The following FAM53A variants were observed in gnomAD, a reference collection of about 807,000 sequenced individuals.
FAM53A encodes family with sequence similarity 53 member A, also known as protein FAM53A.
A neutral mutation model predicts 26.6 loss-of-function variants in FAM53A; 28 were observed. That is an observed-to-expected ratio of 1.05 (90% CI 0.78 to 1.45). FAM53A has a LOEUF of 1.45. FAM53A is among the 40% of genes most tolerant of loss of function. The probability of loss-of-function intolerance (pLI) is 0.00; values close to 1 mark genes in which losing one functional copy is unlikely to be tolerated. For missense variants in FAM53A, 650 were observed against 575.8 expected (o/e 1.13, Z -1.32); for synonymous variants, 290 against 253.1 (o/e 1.15, Z -1.38).
intron 1 of FAM53A, among the ~76,000 whole-genome samples, chr4:1,623,160 T>C (rs1715123993): frequency 6.6e-6 from 1 of 152,042 alleles, no homozygotes; most frequent in Non-Finnish European, 1.5e-5. Context: ...CCTCCAGCAG[T>C]CCACGGCCAG....
At chr4:1,629,608 G>A (rs1255975659) in intron 1 of FAM53A, among the ~76,000 whole-genome samples, 2 of 152,234 alleles carry the variant, frequency 1.3e-5, no homozygotes, top group Non-Finnish European at 2.9e-5. Flanking sequence ...CAGCAGACAG[G>A]AGCTGCCCAG....
Position 1,641,372 on chromosome 4 carries a change from T to C in FAM53A, c.1118A>G (p.Asp373Gly), listed in dbSNP as rs199799761. The C allele has an allele frequency of 5.0e-6, 8 of 1,610,952 alleles. No homozygotes were observed. The highest frequency in any genetic ancestry group is 2.2e-5 in the East Asian group (1 of 44,856). Residue 373 changes from aspartate to glycine, a missense_variant, in exon 5 of 5, where the codon GAT becomes GGT. Asp to Gly is a moderately conservative substitution (Grantham distance 94). Transcript: ENST00000308132. ...GSRRSSGDPRDGDSVGEEGVF... is the reference protein window; with the variant it reads ...GSRRSSGDPRGGDSVGEEGVF... The stretch of plus-strand genomic sequence containing the variant: ...GCCCTCCTCCCCGACACTGTCCCCA[T>C]CACGGGGGTCCCCGCTGCTCCTGCG...
the FAM53A span, among the ~76,000 whole-genome samples, chr4:1,593,728 G>A: frequency 9.2e-5 from 14 of 152,144 alleles, no homozygotes; most frequent in African/African-American, 3.4e-4. Flanking sequence ...GAGTGGCCGC[G>A]GGAGACTGGA....
the FAM53A span, among the ~76,000 whole-genome samples, chr4:1,593,779 A>T: frequency 2.0e-5 from 3 of 152,098 alleles, no homozygotes; most frequent in Non-Finnish European, 2.9e-5. Context: ...CCCTGCCGCC[A>T]GCTTATCACG....
At position 1,655,130 on chromosome 4, in the gene FAM53A, T is replaced by TG; in HGVS notation, c.729dup (p.Thr244HisfsTer34). The TG allele has an allele frequency of 6.3e-7, 1 of 1,592,236 alleles. No homozygotes were observed. The highest frequency in any genetic ancestry group is 8.5e-7 in the Non-Finnish European group (1 of 1,170,512). ...CGCCCGCCCAGCGCAGGCGTGGACG[T>TG]GGGGCTGCTGCTGGCCCAGGGCAGG... is the stretch of plus-strand genomic sequence containing the variant. On this transcript the variant is annotated frameshift_variant, in exon 4 of 5. Transcript: ENST00000308132. LOFTEE classifies it high-confidence loss of function.
chr4:1,650,603 C>G (rs960700178), intron 4 of FAM53A, among the ~76,000 whole-genome samples: 3 of 152,076 alleles, frequency 2.0e-5, no homozygotes, highest in African/African-American at 7.2e-5. Context: ...TCAAGCGATT[C>G]TCCTGACTCA....
chr4:1,681,523 CTT>C (rs36047639), intron 1 of FAM53A, among the ~76,000 whole-genome samples: 35 of 139,266 alleles, frequency 2.5e-4, no homozygotes, highest in South Asian at 4.7e-4. Context: ...AAACTCAAAT[CTT>C]TTTTTTTTTT....
At chr4:1,652,559 C>CCA (rs1320655937) in intron 4 of FAM53A, among the ~76,000 whole-genome samples, 1 of 145,698 alleles carries the variant, frequency 6.9e-6, no homozygotes, top group Non-Finnish European at 1.5e-5. Flanking sequence ...CCACACATTA[C>CCA]CACACACACA....
At chr4:1,654,912 C>G in intron 4 of FAM53A, 66 bp downstream of exon 4, 2 of 1,451,356 alleles carry the variant, frequency 1.4e-6, no homozygotes, top group South Asian at 3.1e-5. Context: ...ATCAGCCAGC[C>G]TCACCCCAGC....
At chr4:1,663,620 A>C (rs182208255) in intron 2 of FAM53A, among the ~76,000 whole-genome samples, 1 of 152,266 alleles carries the variant, frequency 6.6e-6, no homozygotes, top group Admixed American at 6.5e-5. Context: ...ACCCAGAGAC[A>C]GTGAGCACTA....
At chr4:1,610,481 T>A in the FAM53A span, among the ~76,000 whole-genome samples, 1 of 152,002 alleles carries the variant, frequency 6.6e-6, no homozygotes, top group African/African-American at 2.4e-5. Flanking sequence ...TGACCGGGGA[T>A]CCCAGCAGGG....
In FAM53A at chr4:1,645,785, A is replaced by C. The variant is rs549944797; in HGVS notation, c.883-4178T>G. On this transcript the variant is annotated intron_variant, in intron 4 of 4. Transcript: ENST00000308132. ...AAGGTCTGAGAAAACAAGCAAGAAA[A>C]ATCAGCAGCTACAAATTCCAGATTT... Among the ~76,000 whole-genome samples, 18 of 152,300 alleles carry C rather than the reference A, an allele frequency of 1.2e-4. No homozygotes were observed. In the South Asian group the frequency reaches 3.7e-3, roughly 32 times the overall value.
intron 4 of FAM53A, among the ~76,000 whole-genome samples, chr4:1,652,441 C>A (rs1368087410): frequency 1.4e-5 from 2 of 147,776 alleles, no homozygotes; most frequent in Non-Finnish European, 3.0e-5. Flanking sequence ...ACACATCACA[C>A]ACACACCACC....
intron 4 of FAM53A, chr4:1,644,444 C>A (rs1712056122): frequency 1.4e-6 from 2 of 1,405,908 alleles, no homozygotes; most frequent in Admixed American, 4.6e-5. Flanking sequence ...CAGCTCAGCG[C>A]CCAACAGCGC....
upstream of FAM53A, chr4:1,684,420 C>A (rs1001659916): frequency 1.9e-4 from 28 of 148,982 alleles, no homozygotes; most frequent in Admixed American, 1.9e-3. Context: ...CTTCTCCACG[C>A]CGGCCCTCAG....
the FAM53A span, among the ~76,000 whole-genome samples, chr4:1,608,405 T>C: frequency 6.6e-6 from 1 of 152,148 alleles, no homozygotes; most frequent in South Asian, 2.1e-4. Flanking sequence ...TGAAACTGCG[T>C]GGATCTGCTG....
In FAM53A at chr4:1,659,024, T is replaced by C. The variant is rs1231174005; in HGVS notation, c.76-1556A>G. On this transcript the variant is annotated intron_variant, in intron 2 of 4. Coordinates refer to ENST00000308132, the MANE Select transcript of FAM53A (RefSeq NM_001174070.3). This position sits in a 1 kb window ranked among gnomAD's most constrained non-coding sequence, Gnocchi z 5.2. ...CCTATGATAACATTTCCAAACACGA[T>C]AAAATTAAAAGGAAATCCTTCACTG... Among the ~76,000 whole-genome samples, 1 of 152,134 alleles carries C rather than the reference T, an allele frequency of 6.6e-6. No homozygotes were observed. The highest frequency in any genetic ancestry group is 2.4e-5 in the African/African-American group (1 of 41,412).
At chr4:1,586,884 C>A in the FAM53A span, among the ~76,000 whole-genome samples, 1 of 152,094 alleles carries the variant, frequency 6.6e-6, no homozygotes, top group African/African-American at 2.4e-5. Context: ...CTTTTCTCCA[C>A]ATCCTCACCA....
the FAM53A span, among the ~76,000 whole-genome samples, chr4:1,575,183 A>C: frequency 6.6e-6 from 1 of 152,212 alleles, no homozygotes; most frequent in African/African-American, 2.4e-5. Context: ...TGCATGGGAC[A>C]TACCCAGCTG....
Sources: allele counts gnomAD v4.1 joint callset (sites outside exome capture counted in the v4.1 genomes callset), GRCh38; gene constraint gnomAD v4.1.1; non-coding constraint Gnocchi (gnomAD v3.1); transcripts MANE v1.5; gene names NCBI Gene and HGNC (gene_info 2026-07-23, HGNC 2026-07-21).